ATP8A1: variants seen among roughly 807,000 people sequenced by gnomAD.
ATP8A1 encodes the protein ATPase phospholipid transporting 8A1.
A neutral mutation model predicts 177.7 loss-of-function variants in ATP8A1; 90 were observed. The ratio of observed to expected loss-of-function variants is 0.51; its 90% CI spans 0.43 to 0.60. ATP8A1 has a LOEUF of 0.60. ATP8A1 is among the 20% of genes least tolerant of loss of function. The pLI is 0.00. For missense variants in ATP8A1, 1,072 were observed against 1,392.8 expected, an observed-to-expected ratio of 0.77 and a Z score of 3.67; for synonymous variants, 493 against 485.9, an observed-to-expected ratio of 1.01 and a Z score of -0.19.
intron 15 of ATP8A1, among the ~76,000 whole-genome samples, chr4:42,568,489 T>A (rs1731574758): frequency 6.6e-6 from 1 of 152,060 alleles, no homozygotes; most frequent in Admixed American, 6.5e-5. Context: ...TCAAAATAAA[T>A]CTGCACTATC....
chr4:42,572,613 A>C (rs16854520), intron 14 of ATP8A1, among the ~76,000 whole-genome samples: 6,500 of 152,294 alleles, frequency 0.043, 185 homozygotes, highest in African/African-American at 0.08. Context: ...CACTGGAAGC[A>C]GTTTAACTAG....
At chr4:42,647,121 C>T (rs915793249) in intron 1 of ATP8A1, among the ~76,000 whole-genome samples, 1 of 131,232 alleles carries the variant, frequency 7.6e-6, no homozygotes, top group Non-Finnish European at 1.7e-5. Context: ...AAGTCAAAGG[C>T]AGTATTATCT....
At chr4:42,444,477 A>T in intron 32 of ATP8A1, 101 bp downstream of exon 32, 1 of 1,144,504 alleles carries the variant, frequency 8.7e-7, no homozygotes, top group Non-Finnish European at 1.3e-6. Context: ...AGGACATATT[A>T]ACCTGGGACA....
At position 42,573,102 on chromosome 4, in the gene ATP8A1, A is replaced by G. The variant is rs559982891; in HGVS notation, c.1295+1517T>C. 1.2e-4 allele frequency among the ~76,000 whole-genome samples: 19 copies of G among 152,334 alleles called. No homozygotes were observed. The South Asian group carries it at 3.9e-3, about 32-fold the overall frequency. On this transcript the variant is annotated intron_variant, in intron 14 of 36. Transcript: ENST00000381668. ...CAAGAATAAGAAAAAACCTGATAAA[A>G]TGCGGAAGAAAACAGAGGCTAGATC... is the stretch of plus-strand genomic sequence containing the variant.
intron 15 of ATP8A1, among the ~76,000 whole-genome samples, chr4:42,564,764 G>C (rs532772181): frequency 1.8e-4 from 28 of 152,278 alleles, no homozygotes; most frequent in Admixed American, 1.4e-3. Context: ...TTAAGACTTT[G>C]GGGAATTGTT....
At chr4:42,431,022 A>ATGTT (rs527997412) in intron 33 of ATP8A1, among the ~76,000 whole-genome samples, 251 of 152,194 alleles carry the variant, frequency 1.6e-3, no homozygotes, top group Non-Finnish European at 2.4e-3. Flanking sequence ...TAATAGACTT[A>ATGTT]TGTTTGTATG....
intron 35 of ATP8A1, among the ~76,000 whole-genome samples, chr4:42,420,768 CTCT>C (rs1713810180): frequency 1.5e-5 from 1 of 65,662 alleles, no homozygotes; most frequent in South Asian, 7.3e-4. Context: ...TGAGCTAGAA[CTCT>C]TTTTTTTTTT....
rs151141765 is a variant in ATP8A1, at chr4:42,580,332, G to A, written c.835-354C>T. ...TAGTCTAGAAACATTTAGTGTTTCC[G>A]TTCAGGAAGACAGGCAGACAAGGCA... On this transcript the variant is annotated intron_variant, in intron 10 of 36. Transcript: ENST00000381668. Among the ~76,000 whole-genome samples, 526 of 152,088 alleles carry A rather than the reference G, an allele frequency of 3.5e-3. 7 individuals carry two copies. Among genetic ancestry groups the A allele is most frequent in the African/African-American group, 0.011 (458 of 41,350 alleles).
chr4:42,425,522 G>T (rs1031247199), intron 33 of ATP8A1, among the ~76,000 whole-genome samples: 2 of 151,952 alleles, frequency 1.3e-5, no homozygotes, highest in Non-Finnish European at 2.9e-5. Context: ...GCCGACATTC[G>T]CATTAAAGAC....
intron 22 of ATP8A1, among the ~76,000 whole-genome samples, chr4:42,521,552 C>T (rs925377045): frequency 6.6e-6 from 1 of 152,094 alleles, no homozygotes; most frequent in African/African-American, 2.4e-5. Flanking sequence ...GGCTTAATAG[C>T]CTTGGTTTCT....
chr4:42,656,530 G>A (rs1741640764), intron 1 of ATP8A1, among the ~76,000 whole-genome samples: 1 of 152,116 alleles, frequency 6.6e-6, no homozygotes, highest in South Asian at 2.1e-4. Flanking sequence ...GGTGGGGAGG[G>A]AGGTGGGCAG....
chr4:42,607,638 T>C (rs1162422893), intron 5 of ATP8A1, among the ~76,000 whole-genome samples: 1 of 152,022 alleles, frequency 6.6e-6, no homozygotes, highest in East Asian at 1.9e-4. Flanking sequence ...ACAGGTTTTT[T>C]TTTTTTTTTA....
chr4:42,526,866 A>G (rs1479928696), intron 20 of ATP8A1, among the ~76,000 whole-genome samples: 2 of 152,224 alleles, frequency 1.3e-5, no homozygotes, highest in Admixed American at 6.5e-5. Flanking sequence ...TAATATGATT[A>G]GACCCCAAAA....
intron 6 of ATP8A1, among the ~76,000 whole-genome samples, chr4:42,596,666 CAAAAAA>C (rs71648737): frequency 1.4e-5 from 1 of 74,024 alleles, no homozygotes; most frequent in African/African-American, 5.0e-5. Flanking sequence ...GACTCCATCT[CAAAAAA>C]AAAAAAAAAA....
chr4:42,496,751 TACAC>T (rs1404821138), intron 24 of ATP8A1, among the ~76,000 whole-genome samples: 3 of 152,018 alleles, frequency 2.0e-5, no homozygotes, highest in Non-Finnish European at 2.9e-5. Flanking sequence ...TACACACATA[TACAC>T]ACATATATAT....
chr4:42,520,171 T>G (rs940030120), intron 22 of ATP8A1, among the ~76,000 whole-genome samples: 2 of 152,194 alleles, frequency 1.3e-5, no homozygotes, highest in Admixed American at 6.5e-5. Flanking sequence ...ATTAGGTACA[T>G]TAAACATTCT....
intron 1 of ATP8A1, among the ~76,000 whole-genome samples, chr4:42,646,244 T>C (rs1740518793): frequency 6.6e-6 from 1 of 152,180 alleles, no homozygotes; most frequent in Non-Finnish European, 1.5e-5. Flanking sequence ...ACCAGCATCT[T>C]GTCCTGCCAA....
intron 15 of ATP8A1, among the ~76,000 whole-genome samples, chr4:42,558,620 A>T (rs1328368347): frequency 6.6e-6 from 1 of 152,256 alleles, no homozygotes; most frequent in Non-Finnish European, 1.5e-5. Context: ...GTATGTACTA[A>T]GACTTTTTTT....
intron 1 of ATP8A1, among the ~76,000 whole-genome samples, chr4:42,636,161 CACACACACACAT>C (rs1383354265): frequency 1.6e-5 from 2 of 125,008 alleles, no homozygotes; most frequent in African/African-American, 6.0e-5. Flanking sequence ...CACACACGCA[CACACACACACAT>C]AAGCTTCTTA....
Sources: gnomAD v4.1 joint callset for allele counts (sites outside exome capture counted in the v4.1 genomes callset) on GRCh38, gnomAD v4.1.1 for gene constraint, MANE v1.5 for transcripts, NCBI Gene and HGNC (gene_info 2026-07-23, HGNC 2026-07-21) for gene names.